SOX5: variants seen among roughly 807,000 people sequenced by gnomAD.
SOX5 encodes the protein transcription factor SOX-5.
SOX5 carries 9 observed loss-of-function variants against 92.0 expected under a neutral mutation model. The observed-to-expected ratio is 0.10, with a 90% confidence interval of 0.06 to 0.17. The LOEUF (loss-of-function observed/expected upper bound fraction) is 0.17. SOX5 is among the 10% of genes least tolerant of loss of function. The probability of loss-of-function intolerance (pLI) is 1.00; values close to 1 mark genes in which losing one functional copy is unlikely to be tolerated. For synonymous variants in SOX5, 344 were observed against 336.3 expected (o/e 1.02, Z -0.25); for missense variants, 642 against 944.5 (o/e 0.68, Z 4.20).
At chr12:24,228,167 A>G (rs1962513588) in intron 3 of SOX5, among the ~76,000 whole-genome samples, 1 of 152,204 alleles carries the variant, frequency 6.6e-6, no homozygotes, top group Non-Finnish European at 1.5e-5. Context: ...CACTGGGAAG[A>G]TATTTTGTAT....
chr12:23,996,588 A>G (rs1457577269), intron 4 of SOX5, among the ~76,000 whole-genome samples: 1 of 152,232 alleles, frequency 6.6e-6, no homozygotes, highest in Non-Finnish European at 1.5e-5. Flanking sequence ...TGGATAAATG[A>G]AATGTGGTAT....
At chr12:23,934,069 T>C (rs948412738) in intron 1 of SOX5, among the ~76,000 whole-genome samples, 12 of 151,520 alleles carry the variant, frequency 7.9e-5, no homozygotes, top group African/African-American at 2.9e-4. Flanking sequence ...ATTCTTTTTC[T>C]TATCTGGTCT....
intron 4 of SOX5, among the ~76,000 whole-genome samples, chr12:24,151,535 G>A (rs1202318138): frequency 1.3e-5 from 2 of 152,070 alleles, no homozygotes; most frequent in Non-Finnish European, 2.9e-5. Flanking sequence ...TATTTTGAAG[G>A]TGGTAGTAGT....
chr12:24,230,919 A>G (rs934348602), intron 3 of SOX5, among the ~76,000 whole-genome samples: 1 of 152,240 alleles, frequency 6.6e-6, no homozygotes, highest in African/African-American at 2.4e-5. Context: ...ATAAATCTAA[A>G]AAGTGGCACT....
At chr12:23,541,754 C>T (rs1942092369) in intron 13 of SOX5, among the ~76,000 whole-genome samples, 1 of 152,064 alleles carries the variant, frequency 6.6e-6, no homozygotes, top group Admixed American at 6.6e-5. Context: ...TTGTTTTGAT[C>T]CCATTACAAA....
chr12:24,518,510 C>A (rs1279578518), intron 1 of SOX5, among the ~76,000 whole-genome samples: 2 of 152,028 alleles, frequency 1.3e-5, no homozygotes, highest in Admixed American at 1.3e-4. Context: ...TCAGAAAGTA[C>A]AGAGAATCAC....
chr12:24,181,758 T>C (rs1359371192), intron 4 of SOX5, among the ~76,000 whole-genome samples: 2 of 152,192 alleles, frequency 1.3e-5, no homozygotes, highest in African/African-American at 2.4e-5. Flanking sequence ...GAGGCAAAGA[T>C]GCAAAAGGTA....
chr12:23,849,350 T>G lies in SOX5; in HGVS notation c.271-3157A>C, dbSNP rs552831386. ...TGATAGCAAATATTTATTGAATACT[T>G]TGTATTAGGCACTGCGTAAAGTGCT... On this transcript the variant is annotated intron_variant, in intron 2 of 14. Transcript: ENST00000451604. Among the ~76,000 whole-genome samples, 18 of 152,336 alleles carry G rather than the reference T, an allele frequency of 1.2e-4. No homozygotes were observed. The South Asian group carries it at 3.5e-3, about 30-fold the overall frequency.
In SOX5 at chr12:23,668,015, C is replaced by A. The variant is rs146200908; in HGVS notation, c.811-2451G>T. Among the ~76,000 whole-genome samples, 12 of 152,236 alleles carry A rather than the reference C, an allele frequency of 7.9e-5. No individual in the cohort carries two copies. In the East Asian group the frequency reaches 2.3e-3, roughly 29 times the overall value. ...ACTTTCCTGGTCATTTGCAGACGTG[C>A]ACAAAGCAGGTAACAATTTTGTTGG... On this transcript the variant is annotated intron_variant, in intron 6 of 14. Transcript: ENST00000451604.
In SOX5 at chr12:23,665,493, G is replaced by C. The variant is rs2083648337; in HGVS notation, c.882C>G (p.Ala294=). ...CTGGAGGGAGGAGGAATCCTTGCTG[G>C]GCAGCTGCAGCCAGTGTCCGTTGAT... ...PPDQRTLAAA[A]QQGFLLPPGF... is the part of the protein sequence containing the mutation. The change falls in exon 7 of 15, where the codon GCC becomes GCG. Residue 294 remains alanine, a synonymous_variant. Coordinates refer to ENST00000451604, the MANE Select transcript of SOX5 (RefSeq NM_006940.6). 6.2e-7 allele frequency: 1 copy of C among 1,613,396 alleles called. No individual in the cohort carries two copies. Among genetic ancestry groups the C allele is most frequent in the Non-Finnish European group, 8.5e-7 (1 of 1,179,620 alleles).
intron 3 of SOX5, among the ~76,000 whole-genome samples, chr12:24,247,578 C>G (rs1174905150): frequency 6.6e-6 from 1 of 151,122 alleles, no homozygotes; most frequent in African/African-American, 2.4e-5. Flanking sequence ...GTTGGATAAG[C>G]AGAGCCTTGT....
At chr12:23,623,368 GT>G (rs2077406552) in intron 8 of SOX5, among the ~76,000 whole-genome samples, 1 of 152,038 alleles carries the variant, frequency 6.6e-6, no homozygotes, top group Non-Finnish European at 1.5e-5. Context: ...TGTTAAGAGT[GT>G]TTTGCACATT....
intron 3 of SOX5, among the ~76,000 whole-genome samples, chr12:23,814,355 C>T (rs960785703): frequency 2.0e-5 from 3 of 152,154 alleles, no homozygotes; most frequent in Non-Finnish European, 4.4e-5. Flanking sequence ...GGAAACTATA[C>T]TCTTGCACAA....
intron 11 of SOX5, among the ~76,000 whole-genome samples, chr12:23,552,763 T>C (rs1040893485): frequency 3.3e-5 from 5 of 151,948 alleles, no homozygotes; most frequent in Non-Finnish European, 4.4e-5. Flanking sequence ...TCCACCTTCC[T>C]AGAGATTTTC....
chr12:24,149,141 A>G (rs994177367), intron 4 of SOX5, among the ~76,000 whole-genome samples: 7 of 152,300 alleles, frequency 4.6e-5, no homozygotes, highest in Admixed American at 3.3e-4. Flanking sequence ...AGAAGAAAAC[A>G]GAAGAAAATC....
At chr12:23,767,831 A>G (rs939477480) in intron 3 of SOX5, among the ~76,000 whole-genome samples, 1 of 151,602 alleles carries the variant, frequency 6.6e-6, no homozygotes, top group African/African-American at 2.4e-5. Flanking sequence ...TCATATATAT[A>G]TATATATATA....
chr12:23,627,749 A>G (rs1347969704), intron 8 of SOX5, among the ~76,000 whole-genome samples: 1 of 152,078 alleles, frequency 6.6e-6, no homozygotes, highest in Non-Finnish European at 1.5e-5. Context: ...ATAACCCATT[A>G]TATCAAACCT....
chr12:23,866,728 G>T (rs549947523), intron 2 of SOX5, among the ~76,000 whole-genome samples: 38 of 152,174 alleles, frequency 2.5e-4, no homozygotes, highest in African/African-American at 8.9e-4. Flanking sequence ...CCGTCTACTG[G>T]TTTTTCATCC....
At chr12:23,961,164 A>T (rs1946886631) in intron 4 of SOX5, among the ~76,000 whole-genome samples, 1 of 152,112 alleles carries the variant, frequency 6.6e-6, no homozygotes, top group African/African-American at 2.4e-5. Flanking sequence ...AATGACCAAA[A>T]TTCTCATTTC....
Sources: allele counts gnomAD v4.1 joint callset (sites outside exome capture counted in the v4.1 genomes callset), GRCh38; gene constraint gnomAD v4.1.1; transcripts MANE v1.5; gene names NCBI Gene and HGNC (gene_info 2026-07-23, HGNC 2026-07-21).